Variants in CDYL2 observed in about 807,000 individuals in gnomAD.
CDYL2 encodes chromodomain Y like 2.
In CDYL2, 23 loss-of-function variants were observed where a neutral mutation model predicts 49.4. The ratio of observed to expected loss-of-function variants is 0.47; its 90% CI spans 0.34 to 0.66. The LOEUF (loss-of-function observed/expected upper bound fraction) is 0.66. Ranked by LOEUF, CDYL2 falls within the 30% of genes least tolerant of loss-of-function variation. CDYL2 has a pLI of 0.01. For synonymous variants in CDYL2, 360 were observed against 268.8 expected (o/e 1.34, Z -3.32); for missense variants, 678 against 656.4 (o/e 1.03, Z -0.36).
At chr16:80,803,527 G>A (rs751425107) in intron 1 of CDYL2, among the ~76,000 whole-genome samples, 2 of 152,002 alleles carry the variant, frequency 1.3e-5, no homozygotes, top group African/African-American at 2.4e-5. Context: ...GGCAGCAGGT[G>A]GGGGGTGAGG....
intron 1 of CDYL2, among the ~76,000 whole-genome samples, chr16:80,772,165 G>C (rs976454720): frequency 6.6e-6 from 1 of 152,032 alleles, no homozygotes; most frequent in African/African-American, 2.4e-5. Context: ...AACTAAATGT[G>C]AAATAAAGCT....
intron 5 of CDYL2, among the ~76,000 whole-genome samples, chr16:80,610,595 C>A (rs181114845): frequency 9.4e-5 from 14 of 148,266 alleles, no homozygotes; most frequent in African/African-American, 3.6e-4. Context: ...TAACAAAAAA[C>A]CCATGCTAGA....
rs1907043479 is a variant in CDYL2, at chr16:80,620,757, G to C, written c.1007+6C>G. ...CCCAGGGTGTGTGAAAAGGAGCACA[G>C]CTCACCTGATGGCTTCTGCAATCCG... On this transcript the variant is annotated splice_donor_region_variant and intron_variant, in intron 4 of 6. Transcript: ENST00000570137. The C allele has an allele frequency of 6.3e-7, 1 of 1,588,854 alleles. No individual in the cohort carries two copies. Among genetic ancestry groups the C allele is most frequent in the Non-Finnish European group, 8.6e-7 (1 of 1,162,034 alleles).
intron 1 of CDYL2, among the ~76,000 whole-genome samples, chr16:80,686,883 T>C (rs1483417486): frequency 6.6e-6 from 1 of 152,252 alleles, no homozygotes; most frequent in Non-Finnish European, 1.5e-5. Context: ...TGTTTCCTTA[T>C]TAAACGTCCT....
intron 1 of CDYL2, among the ~76,000 whole-genome samples, chr16:80,707,489 G>A (rs1303984079): frequency 6.6e-6 from 1 of 152,080 alleles, no homozygotes; most frequent in Non-Finnish European, 1.5e-5. Context: ...AAGTATAAAT[G>A]TGAAAAACCT....
intron 1 of CDYL2, among the ~76,000 whole-genome samples, chr16:80,741,047 A>G (rs943057054): frequency 1.1e-4 from 17 of 151,646 alleles, no homozygotes; most frequent in African/African-American, 4.1e-4. Context: ...CAAACAAAAA[A>G]AGAATTCAAG....
chr16:80,725,390 G>A (rs554042059), intron 1 of CDYL2, among the ~76,000 whole-genome samples: 17 of 152,256 alleles, frequency 1.1e-4, no homozygotes, highest in African/African-American at 4.1e-4. Flanking sequence ...AGCGATTTGT[G>A]GGATTCATGG....
At chr16:80,667,907 A>G (rs891480884) in intron 2 of CDYL2, among the ~76,000 whole-genome samples, 3 of 152,242 alleles carry the variant, frequency 2.0e-5, no homozygotes, top group Non-Finnish European at 4.4e-5. Flanking sequence ...TCCAGGCAAC[A>G]TGGCTGAATG....
chr16:80,675,222 T>A (rs1262703031), intron 2 of CDYL2, among the ~76,000 whole-genome samples: 1 of 152,152 alleles, frequency 6.6e-6, no homozygotes, highest in East Asian at 1.9e-4. Flanking sequence ...ACAAAACTGG[T>A]CACAGACCCC....
intron 2 of CDYL2, among the ~76,000 whole-genome samples, chr16:80,640,064 C>G (rs763605206): frequency 6.6e-6 from 1 of 152,104 alleles, no homozygotes; most frequent in Non-Finnish European, 1.5e-5. Flanking sequence ...CCTCCAAGGC[C>G]AATCCTAGTC....
chr16:80,695,302 A>C (rs2142492935), intron 1 of CDYL2, among the ~76,000 whole-genome samples: 1 of 152,378 alleles, frequency 6.6e-6, no homozygotes, highest in African/African-American at 2.4e-5. Context: ...TCACTATACA[A>C]AACCACAAAA....
intron 3 of CDYL2, among the ~76,000 whole-genome samples, chr16:80,625,600 G>A (rs8061127): frequency 0.084 from 12,811 of 152,044 alleles, 1,696 homozygotes; most frequent in African/African-American, 0.29. Context: ...TAAAATTTAA[G>A]AACTACAACA....
intron 2 of CDYL2, among the ~76,000 whole-genome samples, chr16:80,668,539 G>C (rs1315715951): frequency 6.6e-6 from 1 of 151,666 alleles, no homozygotes; most frequent in Non-Finnish European, 1.5e-5. Context: ...TAAACTTAGA[G>C]AATAGTCCCA....
intron 1 of CDYL2, among the ~76,000 whole-genome samples, chr16:80,752,908 A>G (rs1320497512): frequency 6.6e-6 from 1 of 152,248 alleles, no homozygotes; most frequent in Non-Finnish European, 1.5e-5. Flanking sequence ...AGGAAGAAGG[A>G]AATCTATCCC....
intron 2 of CDYL2, among the ~76,000 whole-genome samples, chr16:80,664,752 C>A (rs192778748): frequency 6.6e-6 from 1 of 152,134 alleles, no homozygotes; most frequent in Non-Finnish European, 1.5e-5. Flanking sequence ...AGATCTGAAT[C>A]CTGGAACAGC....
intron 4 of CDYL2, among the ~76,000 whole-genome samples, chr16:80,618,663 G>C (rs1317719766): frequency 6.6e-6 from 1 of 152,062 alleles, no homozygotes; most frequent in Non-Finnish European, 1.5e-5. Flanking sequence ...GGATCCCCAC[G>C]CCCTCCCCAG....
intron 1 of CDYL2, among the ~76,000 whole-genome samples, chr16:80,686,612 T>A (rs1490304181): frequency 6.6e-6 from 1 of 152,212 alleles, no homozygotes; most frequent in Non-Finnish European, 1.5e-5. Context: ...ATATGGATGT[T>A]TATGTTTACG....
chr16:80,705,732 G>T (rs1260916233), intron 1 of CDYL2, among the ~76,000 whole-genome samples: 1 of 152,248 alleles, frequency 6.6e-6, no homozygotes, highest in Non-Finnish European at 1.5e-5. Context: ...ACTCAAATCT[G>T]CCCTTGTCAT....
chr16:80,659,312 A>T (rs1400765300), intron 2 of CDYL2, among the ~76,000 whole-genome samples: 1 of 152,242 alleles, frequency 6.6e-6, no homozygotes, highest in Non-Finnish European at 1.5e-5. Context: ...CTACACAGAC[A>T]TGGCAACTAA....
Sources: gnomAD v4.1 joint callset for allele counts (sites outside exome capture counted in the v4.1 genomes callset) on GRCh38, gnomAD v4.1.1 for gene constraint, MANE v1.5 for transcripts, NCBI Gene and HGNC (gene_info 2026-07-23, HGNC 2026-07-21) for gene names.